The following FGF10 variants were observed in gnomAD, a reference collection of about 807,000 sequenced individuals.
The protein encoded by FGF10 is fibroblast growth factor 10, also known as FGF-10.
A neutral mutation model predicts 19.8 loss-of-function variants in FGF10; 2 were observed. The ratio of observed to expected loss-of-function variants is 0.10; its 90% CI spans 0.04 to 0.32. The LOEUF (loss-of-function observed/expected upper bound fraction) is 0.32, where lower values mean the gene tolerates loss of function less well. Among genes scored for constraint, FGF10 ranks in the 10% least tolerant of loss-of-function variants. The pLI, the probability that FGF10 is intolerant of heterozygous loss-of-function variation, is 1.00. For missense variants in FGF10, 191 were observed against 246.3 expected (o/e 0.78, Z 1.50); for synonymous variants, 112 against 94.0 (o/e 1.19, Z -1.10).
Position 44,370,888 on chromosome 5 carries a change from G to A in FGF10, c.325+17470C>T, listed in dbSNP as rs896290540. On this transcript the variant is annotated intron_variant, in intron 1 of 2. Transcript: ENST00000264664. ...TTGAGATGTGAGAGGCTTAAAGGTA[G>A]GATGTTAAAGGAAATCTACACATAG... Among the ~76,000 whole-genome samples, 7 of 150,752 alleles carry A rather than the reference G, an allele frequency of 4.6e-5. No individual in the cohort carries two copies. The East Asian group carries it at 9.9e-4, about 21-fold the overall frequency.
chr5:44,364,337 T>A (rs914012474), intron 1 of FGF10, among the ~76,000 whole-genome samples: 1 of 151,876 alleles, frequency 6.6e-6, no homozygotes, highest in Non-Finnish European at 1.5e-5. Context: ...AAGATGCACA[T>A]CTTATATTTA....
intron 1 of FGF10, among the ~76,000 whole-genome samples, chr5:44,310,755 G>T (rs891740468): frequency 6.6e-6 from 1 of 152,004 alleles, no homozygotes; most frequent in African/African-American, 2.4e-5. Flanking sequence ...GGCTTTAAAA[G>T]AATTCCCCTT....
chr5:44,366,127 C>CTGTTTTTTTTT (rs1741606255), intron 1 of FGF10, among the ~76,000 whole-genome samples: 1 of 74,810 alleles, frequency 1.3e-5, no homozygotes, highest in African/African-American at 5.1e-5. Context: ...CAATTATTTC[C>CTGTTTTTTTTT]TTTTTTTTTT....
At chr5:44,339,731 T>C (rs1740926294) in intron 1 of FGF10, among the ~76,000 whole-genome samples, 1 of 152,146 alleles carries the variant, frequency 6.6e-6, no homozygotes, top group South Asian at 2.1e-4. Context: ...TTCTGTGCTG[T>C]TCAGCTCCTC....
intron 1 of FGF10, among the ~76,000 whole-genome samples, chr5:44,359,071 G>A (rs981522853): frequency 1.3e-5 from 2 of 151,396 alleles, no homozygotes; most frequent in African/African-American, 4.8e-5. Context: ...TTGATTATGT[G>A]CAGTGTTATA....
intron 1 of FGF10, among the ~76,000 whole-genome samples, chr5:44,358,215 C>A (rs1741393917): frequency 6.6e-6 from 1 of 151,484 alleles, no homozygotes; most frequent in Admixed American, 6.6e-5. Flanking sequence ...AACGTATGTT[C>A]ATTGGCTAAT....
intron 1 of FGF10, among the ~76,000 whole-genome samples, chr5:44,386,483 G>C (rs1314303058): frequency 6.6e-6 from 1 of 152,024 alleles, no homozygotes; most frequent in African/African-American, 2.4e-5. Context: ...CCAATGTTTG[G>C]ATAGCTTCTT....
At position 44,349,449 on chromosome 5, in the gene FGF10, T is replaced by G. The variant is rs1259849502; in HGVS notation, c.325+38909A>C. ...ATATATATATATATATATATATATA[T>G]ATATATATATATATATATATCAGAA... On this transcript the variant is annotated intron_variant, in intron 1 of 2. Transcript: ENST00000264664. Among the ~76,000 whole-genome samples, 87 of 15,786 alleles carry G rather than the reference T, an allele frequency of 5.5e-3. 3 individuals are homozygous for G. Among genetic ancestry groups the G allele is most frequent in the African/African-American group, 0.013 (68 of 5,418 alleles). The allele number at this position is 15,786 out of a possible 152,430, so 10.4% of individuals were successfully genotyped here.
chr5:44,353,438 G>A (rs1204110576), intron 1 of FGF10, among the ~76,000 whole-genome samples: 2 of 151,466 alleles, frequency 1.3e-5, no homozygotes, highest in Non-Finnish European at 3.0e-5. Context: ...TAAAACTGTT[G>A]TAACTAAACC....
chr5:44,355,998 A>C (rs187949359), intron 1 of FGF10, among the ~76,000 whole-genome samples: 149 of 151,558 alleles, frequency 9.8e-4, no homozygotes, highest in African/African-American at 3.4e-3. Flanking sequence ...TTAGGAAATA[A>C]ATGATGGGAA....
intron 1 of FGF10, among the ~76,000 whole-genome samples, chr5:44,388,105 G>C (rs1416350377): frequency 2.0e-5 from 3 of 151,664 alleles, no homozygotes; most frequent in South Asian, 2.1e-4. Context: ...CTAGTGACAG[G>C]CTGGAGGGAA....
intron 1 of FGF10, among the ~76,000 whole-genome samples, chr5:44,371,083 A>C (rs1319976158): frequency 1.3e-5 from 2 of 152,268 alleles, no homozygotes; most frequent in East Asian, 3.9e-4. Flanking sequence ...TTTAATCCCC[A>C]GTATGGCACC....
chr5:44,322,452 CA>C (rs975841359), intron 1 of FGF10, among the ~76,000 whole-genome samples: 149 of 152,234 alleles, frequency 9.8e-4, no homozygotes, highest in African/African-American at 3.5e-3. Flanking sequence ...CCTCAGCTTT[CA>C]AAAGCATTTG....
intron 1 of FGF10, among the ~76,000 whole-genome samples, chr5:44,332,448 T>G (rs985726517): frequency 6.6e-6 from 1 of 152,180 alleles, no homozygotes; most frequent in African/African-American, 2.4e-5. Flanking sequence ...TTGACTTTGT[T>G]GTTTTTTCCT....
chr5:44,313,189 C>T (rs1740252581), intron 1 of FGF10, among the ~76,000 whole-genome samples: 2 of 152,026 alleles, frequency 1.3e-5, no homozygotes, highest in South Asian at 2.1e-4. Flanking sequence ...TGGGACGCAG[C>T]GTATGGTCAG....
rs6881797 is a variant in FGF10, at chr5:44,310,390, A to T, written c.429+37T>A. The stretch of plus-strand genomic sequence containing the variant: ...CTTTCCAAAACTATGGTAATGGTTT[A>T]CTGGAGTGGATTTGAAAACAAAAGC... On this transcript the variant is annotated intron_variant, in intron 2 of 2. Transcript: ENST00000264664. 0.22 allele frequency: 298,605 copies of T among 1,383,974 alleles called. 34,826 individuals are homozygous for T. The highest frequency in any genetic ancestry group is 0.43 in the Admixed American group (25,047 of 58,784). The allele number at this position is 1,383,974 out of a possible 1,614,324, so 85.7% of individuals were successfully genotyped here. A position where few individuals can be genotyped will look rare whatever the true frequency, so the allele number is the denominator to read the frequency against.
intron 1 of FGF10, among the ~76,000 whole-genome samples, chr5:44,316,119 C>A (rs968710604): frequency 1.3e-5 from 2 of 152,090 alleles, no homozygotes; most frequent in African/African-American, 2.4e-5. Context: ...GAGTGCGAAC[C>A]CTACTGTGAA....
chr5:44,320,403 C>A (rs1740457709), intron 1 of FGF10, among the ~76,000 whole-genome samples: 1 of 152,098 alleles, frequency 6.6e-6, no homozygotes, highest in Admixed American at 6.6e-5. Flanking sequence ...TCAAGCTAAC[C>A]CAGCCAAAAT....
At chr5:44,371,406 C>T (rs981890133) in intron 1 of FGF10, among the ~76,000 whole-genome samples, 1 of 152,118 alleles carries the variant, frequency 6.6e-6, no homozygotes, top group African/African-American at 2.4e-5. Flanking sequence ...CAGGTAGTCT[C>T]TTACAAGCAA....
Sources: gnomAD v4.1 joint callset for allele counts (sites outside exome capture counted in the v4.1 genomes callset) on GRCh38, gnomAD v4.1.1 for gene constraint, MANE v1.5 for transcripts, NCBI Gene and HGNC (gene_info 2026-07-23, HGNC 2026-07-21) for gene names.